Variants in FAM200B observed in about 807,000 individuals in gnomAD.
FAM200B encodes zinc finger BED-type containing 11.
Under a neutral mutation model 33.1 loss-of-function variants are expected in FAM200B, and 32 were observed. The observed-to-expected ratio is 0.97, with a 90% CI of 0.73 to 1.30. The LOEUF is 1.30. Ranked by LOEUF, FAM200B falls within the 50% of genes most tolerant of loss-of-function variation. The pLI is 0.00. For synonymous variants in FAM200B, 240 were observed against 264.8 expected (o/e 0.91, Z 0.91); for missense variants, 741 against 754.0 (o/e 0.98, Z 0.20).
At chr4:15,640,704 T>C in the FAM200B span, 517 of 658,510 alleles carry the variant, frequency 7.9e-4, 4 homozygotes, top group East Asian at 0.011. Context: ...CATCTTCCTA[T>C]GCATTATTTT....
At chr4:15,669,702 G>A in the FAM200B span, among the ~76,000 whole-genome samples, 1 of 152,074 alleles carries the variant, frequency 6.6e-6, no homozygotes, top group Non-Finnish European at 1.5e-5. Context: ...ACTATGAAAA[G>A]TTATTTTTAT....
chr4:15,677,606 C>T (rs1401261897), upstream of FAM200B, among the ~76,000 whole-genome samples: 1 of 152,180 alleles, frequency 6.6e-6, no homozygotes, highest in Non-Finnish European at 1.5e-5. Flanking sequence ...TCATTGGAAG[C>T]TCAAGGGGCT....
upstream of FAM200B, among the ~76,000 whole-genome samples, chr4:15,677,102 G>A (rs962010379): frequency 6.6e-6 from 1 of 152,156 alleles, no homozygotes; most frequent in East Asian, 1.9e-4. Context: ...CTGAAGACAA[G>A]CAAGGTAACA....
At chr4:15,674,854 T>A in the FAM200B span, among the ~76,000 whole-genome samples, 1 of 152,210 alleles carries the variant, frequency 6.6e-6, no homozygotes, top group South Asian at 2.1e-4. Context: ...TTTCACCGTG[T>A]TAGCCAGGAT....
the FAM200B span, among the ~76,000 whole-genome samples, chr4:15,667,072 AT>A: frequency 6.6e-6 from 1 of 152,232 alleles, no homozygotes; most frequent in Non-Finnish European, 1.5e-5. Context: ...TATAAACCAT[AT>A]TTGTACCCAT....
chr4:15,666,624 TAACTA>T, the FAM200B span, among the ~76,000 whole-genome samples: 1 of 151,678 alleles, frequency 6.6e-6, no homozygotes, highest in Non-Finnish European at 1.5e-5. Context: ...TATTTCAAAA[TAACTA>T]AGAGAAGCCT....
At chr4:15,655,337 T>G in the FAM200B span, 1 of 1,308,940 alleles carries the variant, frequency 7.6e-7, no homozygotes, top group Admixed American at 2.5e-5. Context: ...CGCCTCTCCA[T>G]AGACACCCTC....
chr4:15,646,649 A>C, the FAM200B span, among the ~76,000 whole-genome samples: 1 of 151,548 alleles, frequency 6.6e-6, no homozygotes, highest in Non-Finnish European at 1.5e-5. Context: ...GCACCCATTA[A>C]CCCGTCATCT....
At chr4:15,640,625 GTTTT>G in the FAM200B span, among the ~76,000 whole-genome samples, 1 of 144,980 alleles carries the variant, frequency 6.9e-6, no homozygotes, top group Non-Finnish European at 1.5e-5. Context: ...CAAAACAAAC[GTTTT>G]TTTTTTCCCT....
the FAM200B span, among the ~76,000 whole-genome samples, chr4:15,666,897 G>A: frequency 1.3e-5 from 2 of 151,622 alleles, no homozygotes; most frequent in African/African-American, 4.9e-5. Flanking sequence ...GGCAAATGGA[G>A]TGCTAAATGT....
upstream of FAM200B, chr4:15,681,487 GC>G (rs1279770418): frequency 1.2e-5 from 2 of 164,498 alleles, no homozygotes; most frequent in Non-Finnish European, 2.9e-5. Context: ...GTCCGGACTA[GC>G]CCTGTCCGCG....
Position 15,686,953 on chromosome 4 carries a change from C to G in FAM200B, c.-25C>G. 8.4e-7 allele frequency: 1 copy of G among 1,194,448 alleles called. No individual in the cohort carries two copies. The highest frequency in any genetic ancestry group is 1.1e-6 in the Non-Finnish European group (1 of 893,154). The allele number at this position is 1,194,448 out of a possible 1,614,324, so 74.0% of individuals were successfully genotyped here. A position where few individuals can be genotyped will look rare whatever the true frequency, so the allele number is the denominator to read the frequency against. On this transcript the variant is annotated 5_prime_UTR_variant, in exon 2 of 2. It adds an upstream start codon to the 5' untranslated region. Transcript: ENST00000422728. ...TTAGTGCCAATTATAACATTTTAAT[C>G]AAACTGGAACAAATTGCTATTAAAA...
At chr4:15,641,393 T>C in the FAM200B span, 3 of 349,056 alleles carry the variant, frequency 8.6e-6, no homozygotes, top group South Asian at 6.9e-5. Flanking sequence ...CTCTTCTTCC[T>C]CCTCAGCCTA....
chr4:15,637,504 C>G, the FAM200B span, among the ~76,000 whole-genome samples: 1 of 152,124 alleles, frequency 6.6e-6, no homozygotes, highest in Non-Finnish European at 1.5e-5. Flanking sequence ...ATGCTATGAT[C>G]ACATTCTTTA....
At chr4:15,665,329 T>C in the FAM200B span, among the ~76,000 whole-genome samples, 9 of 152,152 alleles carry the variant, frequency 5.9e-5, no homozygotes, top group Non-Finnish European at 1.3e-4. Flanking sequence ...TCAGGCATCT[T>C]AGCCAAGGCA....
chr4:15,641,909 C>T, the FAM200B span, among the ~76,000 whole-genome samples: 1 of 151,906 alleles, frequency 6.6e-6, no homozygotes, highest in Non-Finnish European at 1.5e-5. Context: ...CACCTGTAAT[C>T]CCAGCTACTC....
the FAM200B span, chr4:15,644,594 C>G: frequency 1.2e-6 from 2 of 1,613,974 alleles, no homozygotes; most frequent in Non-Finnish European, 1.7e-6. Flanking sequence ...TGAAGCAAAC[C>G]AATAATGTAT....
At chr4:15,657,086 C>G in the FAM200B span, among the ~76,000 whole-genome samples, 1 of 152,202 alleles carries the variant, frequency 6.6e-6, no homozygotes, top group Non-Finnish European at 1.5e-5. Context: ...CTCCTTCTCC[C>G]TTTCACCCCG....
the FAM200B span, among the ~76,000 whole-genome samples, chr4:15,641,347 C>A: frequency 6.6e-6 from 1 of 152,026 alleles, no homozygotes; most frequent in African/African-American, 2.4e-5. Context: ...TTTTCTTCTG[C>A]CTCTCCCACC....
Sources: gnomAD v4.1 joint callset for allele counts (sites outside exome capture counted in the v4.1 genomes callset) on GRCh38, gnomAD v4.1.1 for gene constraint, MANE v1.5 for transcripts, NCBI Gene and HGNC (gene_info 2026-07-23, HGNC 2026-07-21) for gene names.